The following ASTN2 variants were observed in gnomAD, a reference collection of about 807,000 sequenced individuals.
ASTN2 encodes the protein astrotactin 2.
ASTN2 carries 54 observed loss-of-function variants against 139.8 expected under a neutral mutation model. The ratio of observed to expected loss-of-function variants is 0.39; its 90% CI spans 0.31 to 0.48. ASTN2 has a LOEUF of 0.48. ASTN2 is among the 20% of genes least tolerant of loss of function. The pLI is 0.95. For missense variants in ASTN2, 1,565 were observed against 1,725.1 expected (o/e 0.91, Z 1.64); for synonymous variants, 756 against 719.5 (o/e 1.05, Z -0.81).
At chr9:116,562,175 TCATAGTCAAG>T (rs2131665094) in intron 19 of ASTN2, 1 of 152,334 alleles carries the variant, frequency 6.6e-6, no homozygotes, top group South Asian at 2.1e-4. Context: ...AGAAAAAGCA[TCATAGTCAAG>T]CACATTTAGG....
rs143646264 is a variant in ASTN2 at position 116,432,900 on chromosome 9, A to C, written c.3783-6812T>G. On this transcript the variant is annotated intron_variant, in intron 22 of 22. Coordinates refer to ENST00000313400, the MANE Select transcript of ASTN2 (RefSeq NM_001365068.1). ...AGCTGAGATTGCACCACTGCACTCC[A>C]GCCTGGGTGACAGAGCAAGACTCCA... is the stretch of plus-strand genomic sequence containing the variant. 9.9e-3 allele frequency among the ~76,000 whole-genome samples: 1,500 copies of C among 152,204 alleles called. 32 individuals are homozygous for C. Among genetic ancestry groups the C allele is most frequent in the African/African-American group, 0.035 (1,444 of 41,506 alleles).
intron 10 of ASTN2, among the ~76,000 whole-genome samples, chr9:116,957,046 T>C (rs1835727826): frequency 7.1e-6 from 1 of 139,952 alleles, no homozygotes; most frequent in South Asian, 2.2e-4. Flanking sequence ...AGATTCCCAG[T>C]TAATTTTTTT....
rs114281687 is a variant in ASTN2, at chr9:116,829,864, C to T, written c.2041-9081G>A. On this transcript the variant is annotated intron_variant, in intron 11 of 22. Coordinates refer to ENST00000313400, the MANE Select transcript of ASTN2 (RefSeq NM_001365068.1). ...AATGAAACTGGACTCATATTTCTCG[C>T]CACATATTTTTTAAAAACCTCAAAA... Among the ~76,000 whole-genome samples, 41 of 152,210 alleles carry T rather than the reference C, an allele frequency of 2.7e-4. No individual in the cohort carries two copies. The South Asian group carries it at 4.8e-3, about 18-fold the overall frequency.
intron 1 of ASTN2, among the ~76,000 whole-genome samples, chr9:117,346,302 T>C (rs764556496): frequency 3.5e-4 from 53 of 152,208 alleles, no homozygotes; most frequent in Non-Finnish European, 6.2e-4. Context: ...TACTAACTTC[T>C]GTGCTAAGTT....
chr9:116,880,710 C>T (rs946577429), intron 10 of ASTN2, among the ~76,000 whole-genome samples: 3 of 152,068 alleles, frequency 2.0e-5, no homozygotes, highest in African/African-American at 7.2e-5. Context: ...CTTCCTGTTC[C>T]TTCTAGGGCA....
intron 5 of ASTN2, among the ~76,000 whole-genome samples, chr9:117,072,762 T>A (rs1828169396): frequency 6.6e-6 from 1 of 152,078 alleles, no homozygotes; most frequent in African/African-American, 2.4e-5. Flanking sequence ...GAAACTAAGG[T>A]ATATAGAATT....
At chr9:117,343,044 C>G (rs1829108759) in intron 1 of ASTN2, among the ~76,000 whole-genome samples, 1 of 152,224 alleles carries the variant, frequency 6.6e-6, no homozygotes. Flanking sequence ...GCATCTCACA[C>G]TCACTTCAGA....
At chr9:116,948,409 A>G (rs904121647) in intron 10 of ASTN2, among the ~76,000 whole-genome samples, 7 of 152,156 alleles carry the variant, frequency 4.6e-5, no homozygotes, top group African/African-American at 1.7e-4. Context: ...AAATTTGACC[A>G]GTGGCAGTGT....
At chr9:116,761,257 T>C (rs1327970624) in intron 13 of ASTN2, among the ~76,000 whole-genome samples, 2 of 152,200 alleles carry the variant, frequency 1.3e-5, no homozygotes, top group Non-Finnish European at 2.9e-5. Flanking sequence ...AGAACACAGA[T>C]AAATGAGACA....
At chr9:116,476,678 T>C (rs1007196933) in intron 20 of ASTN2, among the ~76,000 whole-genome samples, 2 of 152,236 alleles carry the variant, frequency 1.3e-5, no homozygotes, top group Non-Finnish European at 2.9e-5. Context: ...CAGTAAGTTA[T>C]GAAAAATCTG....
At chr9:116,894,769 A>G (rs1476591650) in intron 10 of ASTN2, among the ~76,000 whole-genome samples, 1 of 152,200 alleles carries the variant, frequency 6.6e-6, no homozygotes, top group East Asian at 1.9e-4. Flanking sequence ...AGGTCAGTAA[A>G]GAAGTTCAGA....
intron 1 of ASTN2, among the ~76,000 whole-genome samples, chr9:117,331,556 C>T (rs974967009): frequency 1.2e-4 from 18 of 152,122 alleles, no homozygotes; most frequent in Non-Finnish European, 2.2e-4. Flanking sequence ...TATCTATCCA[C>T]CAATGATACA....
intron 5 of ASTN2, among the ~76,000 whole-genome samples, chr9:117,060,428 AAGGAAG>A (rs1451693594): frequency 9.9e-6 from 1 of 101,318 alleles, no homozygotes; most frequent in African/African-American, 4.8e-5. Context: ...GGAAGGAAGG[AAGGAAG>A]AGAGAGAGAG....
At chr9:117,377,600 ACTG>A (rs970796035) in intron 1 of ASTN2, among the ~76,000 whole-genome samples, 58 of 152,082 alleles carry the variant, frequency 3.8e-4, no homozygotes, top group African/African-American at 1.4e-3. Context: ...ACCTCATAAT[ACTG>A]CTGCTGAGTA....
At chr9:117,127,426 TA>T (rs1257395397) in intron 4 of ASTN2, among the ~76,000 whole-genome samples, 2 of 152,130 alleles carry the variant, frequency 1.3e-5, no homozygotes, top group Admixed American at 1.3e-4. Flanking sequence ...CACACATAGG[TA>T]ATTTGGAGAA....
intron 10 of ASTN2, among the ~76,000 whole-genome samples, chr9:116,965,008 A>G (rs908923967): frequency 6.6e-6 from 1 of 152,246 alleles, no homozygotes; most frequent in African/African-American, 2.4e-5. Context: ...CATAGGAAAT[A>G]GGGAGGACTT....
At chr9:116,862,035 G>A (rs58484734) in intron 11 of ASTN2, among the ~76,000 whole-genome samples, 2 of 144,590 alleles carry the variant, frequency 1.4e-5, no homozygotes, top group African/African-American at 5.2e-5. Flanking sequence ...GTAATCCTGA[G>A]AATTCTAATC....
intron 5 of ASTN2, among the ~76,000 whole-genome samples, chr9:117,065,387 T>A (rs1036607121): frequency 2.0e-5 from 3 of 152,170 alleles, no homozygotes; most frequent in Admixed American, 6.5e-5. Flanking sequence ...CTTACCTTTT[T>A]TTCGAGACTC....
At chr9:116,576,061 G>A (rs10983243) in intron 19 of ASTN2, among the ~76,000 whole-genome samples, 4 of 152,090 alleles carry the variant, frequency 2.6e-5, no homozygotes, top group South Asian at 2.1e-4. Context: ...GTTATTGAGC[G>A]CCCCACCCCT....
Sources: gnomAD v4.1 joint callset for allele counts (sites outside exome capture counted in the v4.1 genomes callset) on GRCh38, gnomAD v4.1.1 for gene constraint, MANE v1.5 for transcripts, NCBI Gene and HGNC (gene_info 2026-07-23, HGNC 2026-07-21) for gene names.